Variants in ASPH observed in about 807,000 individuals in gnomAD.
ASPH encodes the protein aspartate beta-hydroxylase, also known as aspartyl/asparaginyl beta-hydroxylase.
Under a neutral mutation model 118.4 loss-of-function variants are expected in ASPH, and 100 were observed. The observed-to-expected ratio is 0.84, with a 90% CI of 0.72 to 1.00. The LOEUF is 1.00. ASPH is among the 50% of genes least tolerant of loss of function. The pLI is 0.00. For missense variants in ASPH, 920 were observed against 919.5 expected (o/e 1.00, Z -0.01); for synonymous variants, 315 against 325.6 (o/e 0.97, Z 0.35).
chr8:61,614,434 T>G (rs1050898323), intron 14 of ASPH, among the ~76,000 whole-genome samples: 1 of 152,208 alleles, frequency 6.6e-6, no homozygotes, highest in African/African-American at 2.4e-5. Flanking sequence ...AAGAACATAT[T>G]GCACATTTTT....
chr8:61,553,132 AC>A lies in ASPH; in HGVS notation c.1537-13del. 6.3e-7 allele frequency: 1 copy of A among 1,592,262 alleles called. No homozygotes were observed. The highest frequency in any genetic ancestry group is 8.6e-7 in the Non-Finnish European group (1 of 1,160,412). On this transcript the variant is annotated splice_polypyrimidine_tract_variant and intron_variant, in intron 19 of 24. Coordinates refer to ENST00000379454, the MANE Select transcript of ASPH (RefSeq NM_004318.4). ...GATTCTATTCCTTCCTGTAGAAAGG[AC>A]AGTGTTAGTATGGGTAAAATAATTA... is the stretch of plus-strand genomic sequence containing the variant.
chr8:61,548,165 G>A lies in ASPH; in HGVS notation c.1670C>T (p.Ala557Val). The stretch of plus-strand genomic sequence containing the variant: ...GTAGAGTGAGCGTTGCCAGACAGAT[G>A]CAAAGTGTCCTCTCTTGTGCCCAAG... Reference protein sequence around the residue: ...YELGHKRGHFASVWQRSLYNV... With the variant: ...YELGHKRGHFVSVWQRSLYNV... The change falls in exon 21 of 25, where the codon GCA (alanine) becomes GTA (valine). Residue 557 changes from alanine (A) to valine (V), a missense_variant. Transcript: ENST00000379454. The A allele has an allele frequency of 1.2e-6, 2 of 1,613,948 alleles. No individual in the cohort carries two copies. Among genetic ancestry groups the A allele is most frequent in the Non-Finnish European group, 8.5e-7 (1 of 1,179,876 alleles).
chr8:61,591,924 A>C (rs961954375), intron 14 of ASPH, among the ~76,000 whole-genome samples: 2 of 152,236 alleles, frequency 1.3e-5, no homozygotes, highest in Non-Finnish European at 2.9e-5. Flanking sequence ...TAAAGGAAGT[A>C]GCTGAACTTT....
intron 15 of ASPH, among the ~76,000 whole-genome samples, chr8:61,581,565 T>C (rs1231803061): frequency 6.6e-6 from 1 of 152,192 alleles, no homozygotes; most frequent in Non-Finnish European, 1.5e-5. Context: ...TTTATGAAGA[T>C]CTACAGCCAA....
chr8:61,612,314 A>T (rs1423629658), intron 14 of ASPH, among the ~76,000 whole-genome samples: 1 of 152,130 alleles, frequency 6.6e-6, no homozygotes. Flanking sequence ...ACTGGACTTG[A>T]AGATATAATA....
chr8:61,511,696 A>C (rs985233471), intron 24 of ASPH, among the ~76,000 whole-genome samples: 1 of 152,108 alleles, frequency 6.6e-6, no homozygotes, highest in South Asian at 2.1e-4. Flanking sequence ...CTCCACCTCC[A>C]TTATTCAAGT....
At chr8:61,526,175 C>T in intron 21 of ASPH, 63 bp from the exon 22 acceptor site, 1 of 1,583,210 alleles carries the variant, frequency 6.3e-7, no homozygotes, top group Non-Finnish European at 8.6e-7. Context: ...CTCATAATGA[C>T]TCTTGTTTTT....
chr8:61,598,027 T>C (rs1464991027), intron 14 of ASPH, among the ~76,000 whole-genome samples: 1 of 151,996 alleles, frequency 6.6e-6, no homozygotes, highest in Non-Finnish European at 1.5e-5. Context: ...ACTACCAAAC[T>C]GCATGATAAA....
At chr8:61,702,692 A>G (rs138309595) in intron 1 of ASPH, among the ~76,000 whole-genome samples, 341 of 152,322 alleles carry the variant, frequency 2.2e-3, no homozygotes, top group African/African-American at 7.3e-3. Context: ...AAAACCAGGA[A>G]AGAAAATGTC....
At chr8:61,639,504 C>T (rs960638931) in intron 10 of ASPH, among the ~76,000 whole-genome samples, 13 of 152,160 alleles carry the variant, frequency 8.5e-5, no homozygotes, top group Non-Finnish European at 8.8e-5. Flanking sequence ...ATACTCTCCC[C>T]TTTGGTTTTT....
intron 22 of ASPH, among the ~76,000 whole-genome samples, chr8:61,524,196 C>A (rs2129623281): frequency 6.6e-6 from 1 of 152,286 alleles, no homozygotes; most frequent in South Asian, 2.1e-4. Context: ...GGCAGAAATG[C>A]AGTCTTTTTT....
intron 3 of ASPH, among the ~76,000 whole-genome samples, chr8:61,673,789 GATAAA>G (rs774570288): frequency 9.9e-5 from 15 of 151,980 alleles, no homozygotes; most frequent in Non-Finnish European, 2.2e-4. Context: ...ATAGTGCAGA[GATAAA>G]ATAAAATACC....
At chr8:61,525,026 T>C (rs71525453) in intron 22 of ASPH, among the ~76,000 whole-genome samples, 2 of 152,176 alleles carry the variant, frequency 1.3e-5, no homozygotes, top group Non-Finnish European at 2.9e-5. Flanking sequence ...TTCTTTATGG[T>C]TCTCTCTCTT....
intron 17 of ASPH, among the ~76,000 whole-genome samples, chr8:61,563,326 G>C (rs1240489055): frequency 6.6e-6 from 1 of 152,114 alleles, no homozygotes; most frequent in Non-Finnish European, 1.5e-5. Flanking sequence ...AAAGTACATA[G>C]GACAGTACCT....
chr8:61,712,830 TGAAATGGAAC>T (rs531174985), intron 1 of ASPH, among the ~76,000 whole-genome samples: 71 of 152,296 alleles, frequency 4.7e-4, no homozygotes, highest in African/African-American at 1.7e-3. Context: ...AACACAAAAA[TGAAATGGAAC>T]GAAGACATGC....
chr8:61,665,024 G>A, intron 3 of ASPH: 1 of 1,260,786 alleles, frequency 7.9e-7, no homozygotes, highest in Non-Finnish European at 1.0e-6. Flanking sequence ...TCAATAAATA[G>A]AAGTTATTAC....
chr8:61,644,541 G>A, intron 7 of ASPH, 59 bp downstream of exon 7: 1 of 1,254,052 alleles, frequency 8.0e-7, no homozygotes, highest in Non-Finnish European at 1.1e-6. Context: ...TGTATTTTAT[G>A]ATGCCCTTTT....
At chr8:61,677,089 T>A (rs1299848696) in intron 3 of ASPH, among the ~76,000 whole-genome samples, 2 of 152,104 alleles carry the variant, frequency 1.3e-5, no homozygotes, top group African/African-American at 2.4e-5. Context: ...TGAAATGTGA[T>A]CAAGGCCTTA....
At chr8:61,663,195 C>T in intron 3 of ASPH, 1 of 985,334 alleles carries the variant, frequency 1.0e-6, no homozygotes, top group Non-Finnish European at 1.2e-6. Context: ...GTCCAGTTTT[C>T]AAAGCCTCAC....
Sources: gnomAD v4.1 joint callset for allele counts (sites outside exome capture counted in the v4.1 genomes callset) on GRCh38, gnomAD v4.1.1 for gene constraint, MANE v1.5 for transcripts, NCBI Gene and HGNC (gene_info 2026-07-23, HGNC 2026-07-21) for gene names.